LRBA: variants seen among roughly 807,000 people sequenced by gnomAD.
LRBA encodes the protein LPS responsive beige-like anchor protein.
A neutral mutation model predicts 330.0 loss-of-function variants in LRBA; 176 were observed. The ratio of observed to expected loss-of-function variants is 0.53; its 90% CI spans 0.47 to 0.60. The LOEUF (loss-of-function observed/expected upper bound fraction) is 0.60. Among genes scored for constraint, LRBA ranks in the 20% least tolerant of loss-of-function variants. The probability of loss-of-function intolerance (pLI) is 0.00; values close to 1 mark genes in which losing one functional copy is unlikely to be tolerated. For missense variants in LRBA, 3,259 were observed against 3,444.8 expected, an observed-to-expected ratio of 0.95 and a Z score of 1.35; for synonymous variants, 1,230 against 1,193.0, an observed-to-expected ratio of 1.03 and a Z score of -0.64.
rs760367117 is a variant in LRBA, at chr4:150,503,126, G to A, written c.6331-12091C>T. Among the ~76,000 whole-genome samples, 92 of 152,348 alleles carry A rather than the reference G, an allele frequency of 6.0e-4. 1 individual carries two copies. The highest frequency in any genetic ancestry group is 8.7e-4 in the Non-Finnish European group (59 of 68,036). ...GCCTCTGGAGGCTCCACCTCTGGGGGCATGGCACAGACAAACAAAATGACA... is the reference window on the plus strand; with the variant it reads ...GCCTCTGGAGGCTCCACCTCTGGGGACATGGCACAGACAAACAAAATGACA... On this transcript the variant is annotated intron_variant, in intron 40 of 56. Coordinates refer to ENST00000651943, the MANE Select transcript of LRBA (RefSeq NM_001364905.1).
intron 30 of LRBA, among the ~76,000 whole-genome samples, chr4:150,819,853 T>C (rs1288690632): frequency 6.6e-6 from 1 of 152,070 alleles, no homozygotes; most frequent in Non-Finnish European, 1.5e-5. Flanking sequence ...CAGTAAATAT[T>C]TATTGTCCAA....
At chr4:150,367,303 T>C (rs1177159336) in intron 47 of LRBA, among the ~76,000 whole-genome samples, 2 of 152,010 alleles carry the variant, frequency 1.3e-5, no homozygotes, top group Admixed American at 6.6e-5. Context: ...GAGAATAAGG[T>C]GGAGGTAAGG....
At chr4:150,762,055 T>C (rs536970145) in intron 34 of LRBA, among the ~76,000 whole-genome samples, 11 of 152,110 alleles carry the variant, frequency 7.2e-5, no homozygotes, top group African/African-American at 2.6e-4. Flanking sequence ...TAAATGAGCC[T>C]ATCTATATTT....
intron 7 of LRBA, 67 bp downstream of exon 7, chr4:150,916,334 T>C (rs531181414): frequency 6.6e-7 from 1 of 1,508,662 alleles, no homozygotes; most frequent in Non-Finnish European, 9.0e-7. Flanking sequence ...TGAATAACAT[T>C]AAAACAAAGC....
chr4:150,277,703 T>C, intron 56 of LRBA, 150 bp downstream of exon 56: 2 of 777,376 alleles, frequency 2.6e-6, no homozygotes, highest in Admixed American at 2.4e-5. Flanking sequence ...GGTCTTGCAA[T>C]GTTGCCCAGG....
At chr4:150,777,064 GTTT>G (rs760287610) in intron 34 of LRBA, among the ~76,000 whole-genome samples, 7,930 of 101,068 alleles carry the variant, frequency 0.078, 294 homozygotes, top group African/African-American at 0.13. Flanking sequence ...TTTTTGAGGG[GTTT>G]TGTTGTTGTT....
chr4:150,787,748 T>C (rs72719615), intron 34 of LRBA, among the ~76,000 whole-genome samples: 3,139 of 152,278 alleles, frequency 0.021, 48 homozygotes, highest in South Asian at 0.043. Context: ...TGCTATCAAA[T>C]ACTATTATTT....
intron 34 of LRBA, among the ~76,000 whole-genome samples, chr4:150,794,335 C>T (rs957737912): frequency 2.6e-5 from 4 of 151,722 alleles, no homozygotes; most frequent in Admixed American, 6.6e-5. Context: ...TCTTCTCATA[C>T]TGAAAATATT....
intron 30 of LRBA, among the ~76,000 whole-genome samples, chr4:150,822,076 G>A (rs1404031165): frequency 6.6e-6 from 1 of 150,842 alleles, no homozygotes; most frequent in Non-Finnish European, 1.5e-5. Flanking sequence ...TTTACAAAGG[G>A]GTCTCTAAAT....
chr4:150,510,472 A>C lies in LRBA; in HGVS notation c.6331-19437T>G, dbSNP rs558527414. Reference sequence around the variant, plus strand: ...GTAAAATTTCTCTGTCTTGAGACTTACTGTGGATACCCTACAAAATAAATA... The same window carrying C: ...GTAAAATTTCTCTGTCTTGAGACTTCCTGTGGATACCCTACAAAATAAATA... On this transcript the variant is annotated intron_variant, in intron 40 of 56. Coordinates refer to ENST00000651943, the MANE Select transcript of LRBA (RefSeq NM_001364905.1). Among the ~76,000 whole-genome samples, 6 of 152,350 alleles carry C rather than the reference A, an allele frequency of 3.9e-5. No individual in the cohort carries two copies. In the South Asian group the frequency reaches 1.2e-3, roughly 32 times the overall value.
intron 36 of LRBA, among the ~76,000 whole-genome samples, chr4:150,709,694 T>C (rs957089676): frequency 3.3e-5 from 5 of 151,936 alleles, no homozygotes; most frequent in Admixed American, 6.6e-5. Context: ...CTTACCTTCA[T>C]GAAGCACACA....
intron 28 of LRBA, chr4:150,840,872 TA>T: frequency 2.1e-6 from 2 of 972,398 alleles, no homozygotes; most frequent in Non-Finnish European, 2.6e-6. Context: ...AAACTAATGG[TA>T]AAAATGAGAC....
rs1040930207 is a variant in LRBA at position 150,867,781 on chromosome 4, T to C, written c.2656A>G (p.Ile886Val). The part of the protein sequence containing the change: ...FNPKNSDEQK[I>V]TEMVYAIFRI... ...AATATGGCGTATACCATTTCTGTTA[T>C]CTTTTGCTCATCTGAATTCTTAGGA... Residue 886 changes from isoleucine (I) to valine (V), a missense_variant, in exon 22 of 57, where the codon ATA becomes GTA. Transcript: ENST00000651943. 1.2e-6 allele frequency: 2 copies of C among 1,613,890 alleles called. No individual in the cohort carries two copies. The highest frequency in any genetic ancestry group is 8.5e-7 in the Non-Finnish European group (1 of 1,179,834).
chr4:150,757,856 A>G (rs749246696), intron 35 of LRBA, among the ~76,000 whole-genome samples: 12 of 152,214 alleles, frequency 7.9e-5, no homozygotes, highest in Non-Finnish European at 1.0e-4. Flanking sequence ...TCAAACACGT[A>G]AAAGATAAAG....
chr4:150,544,057 T>C (rs762910520), intron 40 of LRBA, among the ~76,000 whole-genome samples: 6 of 152,096 alleles, frequency 3.9e-5, no homozygotes, highest in Non-Finnish European at 7.4e-5. Context: ...CTGGCATTTG[T>C]CTACCTGTCC....
intron 40 of LRBA, among the ~76,000 whole-genome samples, chr4:150,545,754 A>G (rs1016735776): frequency 1.3e-5 from 2 of 152,154 alleles, no homozygotes; most frequent in African/African-American, 4.8e-5. Flanking sequence ...GGTAGTCATT[A>G]AAAACATGAT....
intron 2 of LRBA, among the ~76,000 whole-genome samples, chr4:150,950,172 G>A (rs547987994): frequency 1.3e-5 from 2 of 152,006 alleles, no homozygotes; most frequent in Non-Finnish European, 2.9e-5. Context: ...TAGCTTGCTG[G>A]TTCAATCTAG....
At chr4:150,287,103 C>A (rs1370838656) in intron 53 of LRBA, among the ~76,000 whole-genome samples, 1 of 152,130 alleles carries the variant, frequency 6.6e-6, no homozygotes, top group Non-Finnish European at 1.5e-5. Flanking sequence ...CCAGAAGAGA[C>A]AAATGTGCCC....
At chr4:150,875,467 G>C (rs1372566479) in intron 17 of LRBA, among the ~76,000 whole-genome samples, 1 of 152,190 alleles carries the variant, frequency 6.6e-6, no homozygotes, top group African/African-American at 2.4e-5. Context: ...CTTATTGCCT[G>C]AGGCAACAGA....
Sources: gnomAD v4.1 joint callset for allele counts (sites outside exome capture counted in the v4.1 genomes callset) on GRCh38, gnomAD v4.1.1 for gene constraint, MANE v1.5 for transcripts, NCBI Gene and HGNC (gene_info 2026-07-23, HGNC 2026-07-21) for gene names.